Variants in SGCD observed in about 807,000 individuals in gnomAD.
SGCD encodes delta-sarcoglycan.
A neutral mutation model predicts 36.6 loss-of-function variants in SGCD; 18 were observed. That is an observed-to-expected ratio of 0.49 (90% CI 0.34 to 0.73). The LOEUF is 0.73. Ranked by LOEUF, SGCD falls within the 30% of genes least tolerant of loss-of-function variation. The pLI is 0.01. For missense variants in SGCD, 387 were observed against 346.7 expected, an observed-to-expected ratio of 1.12 and a Z score of -0.92; for synonymous variants, 133 against 130.6, an observed-to-expected ratio of 1.02 and a Z score of -0.12.
intron 1 of SGCD, among the ~76,000 whole-genome samples, chr5:155,926,986 C>T (rs1187125738): frequency 3.3e-5 from 5 of 152,056 alleles, no homozygotes; most frequent in Non-Finnish European, 7.4e-5. Flanking sequence ...ATCTAGTGGA[C>T]AAAGATCAAG....
At chr5:156,178,723 G>A (rs1185721297) in intron 3 of SGCD, among the ~76,000 whole-genome samples, 1 of 152,016 alleles carries the variant, frequency 6.6e-6, no homozygotes, top group Non-Finnish European at 1.5e-5. Context: ...TTGCAGGCAT[G>A]GGCTACCATG....
intron 1 of SGCD, among the ~76,000 whole-genome samples, chr5:155,993,000 C>T (rs941247633): frequency 6.6e-6 from 1 of 152,138 alleles, no homozygotes; most frequent in Non-Finnish European, 1.5e-5. Context: ...CCACTATTCT[C>T]CTGCCCTAAT....
chr5:155,914,671 C>A (rs185390761), intron 1 of SGCD, among the ~76,000 whole-genome samples: 1 of 152,082 alleles, frequency 6.6e-6, no homozygotes, highest in African/African-American at 2.4e-5. Flanking sequence ...ACTTTAAAAG[C>A]GTATATTAAG....
chr5:155,831,044 A>G, the SGCD span, among the ~76,000 whole-genome samples: 1 of 152,206 alleles, frequency 6.6e-6, no homozygotes. Flanking sequence ...CCTTTCAATA[A>G]GCCTATAAGG....
At chr5:156,155,408 TG>T (rs1762932918) in intron 3 of SGCD, among the ~76,000 whole-genome samples, 1 of 151,570 alleles carries the variant, frequency 6.6e-6, no homozygotes, top group African/African-American at 2.4e-5. Flanking sequence ...TAGGAGAATC[TG>T]AAAAATTGGC....
intron 4 of SGCD, among the ~76,000 whole-genome samples, chr5:156,544,720 T>G (rs1471228087): frequency 6.6e-6 from 1 of 152,146 alleles, no homozygotes; most frequent in Non-Finnish European, 1.5e-5. Context: ...TGATTTTGCA[T>G]CATAAGCTTT....
intron 3 of SGCD, among the ~76,000 whole-genome samples, chr5:156,386,373 T>C (rs925306235): frequency 5.3e-5 from 8 of 152,216 alleles, no homozygotes; most frequent in Non-Finnish European, 1.2e-4. Context: ...AACAATATAT[T>C]TAAAATTTTA....
At chr5:155,796,706 T>C in the SGCD span, among the ~76,000 whole-genome samples, 3 of 146,556 alleles carry the variant, frequency 2.0e-5, no homozygotes, top group Non-Finnish European at 4.5e-5. Flanking sequence ...CTTGGGAGGC[T>C]GAGGCAGGGG....
intron 1 of SGCD, among the ~76,000 whole-genome samples, chr5:156,034,726 T>C (rs1759446027): frequency 6.6e-6 from 1 of 152,178 alleles, no homozygotes; most frequent in African/African-American, 2.4e-5. Context: ...GCAATAAACA[T>C]TAAGAAACTG....
chr5:156,550,732 C>CG (rs1758760395), intron 4 of SGCD, among the ~76,000 whole-genome samples: 1 of 152,178 alleles, frequency 6.6e-6, no homozygotes, highest in Non-Finnish European at 1.5e-5. Flanking sequence ...TACCTTTGAG[C>CG]TAAGGCTCAA....
intron 7 of SGCD, chr5:156,704,397 C>T (rs1754657132): frequency 6.6e-6 from 1 of 152,092 alleles, no homozygotes; most frequent in South Asian, 2.1e-4. Context: ...GAGTCTAGTG[C>T]TTAGATTTGC....
intron 7 of SGCD, among the ~76,000 whole-genome samples, chr5:156,653,467 A>G (rs281038): frequency 0.87 from 106,083 of 121,808 alleles, 46,449 homozygotes; most frequent in East Asian, 0.98. Flanking sequence ...ACATAAAAAT[A>G]TTTTCTTACG....
intron 1 of SGCD, among the ~76,000 whole-genome samples, chr5:155,999,374 C>G (rs1581035250): frequency 6.6e-6 from 1 of 152,288 alleles, no homozygotes; most frequent in East Asian, 1.9e-4. Context: ...TATGCCCTGC[C>G]CCTCACCCCA....
chr5:155,758,936 G>A, the SGCD span, among the ~76,000 whole-genome samples: 19 of 152,054 alleles, frequency 1.2e-4, no homozygotes, highest in East Asian at 5.8e-4. Context: ...TCAGTTTACC[G>A]TGATATTTGA....
intron 3 of SGCD, among the ~76,000 whole-genome samples, chr5:156,319,088 A>T (rs995873653): frequency 1.3e-5 from 2 of 152,174 alleles, no homozygotes; most frequent in Non-Finnish European, 2.9e-5. Context: ...ATTTTACATG[A>T]AATATATTTC....
At chr5:156,308,644 A>C (rs1475760273) in intron 3 of SGCD, among the ~76,000 whole-genome samples, 2 of 152,142 alleles carry the variant, frequency 1.3e-5, no homozygotes, top group East Asian at 3.9e-4. Flanking sequence ...GAAGTCACTC[A>C]CTATCAAGAG....
intron 4 of SGCD, among the ~76,000 whole-genome samples, chr5:156,545,354 G>T (rs1392425026): frequency 6.6e-6 from 1 of 152,134 alleles, no homozygotes; most frequent in African/African-American, 2.4e-5. Context: ...TGTTTCCATG[G>T]TTGTGAACAA....
chr5:156,672,855 C>G (rs530328386), intron 7 of SGCD, among the ~76,000 whole-genome samples: 1 of 152,236 alleles, frequency 6.6e-6, no homozygotes, highest in South Asian at 2.1e-4. Flanking sequence ...GCCTTAGAGC[C>G]TTTATGTTGC....
chr5:156,423,036 C>A (rs992829008), intron 3 of SGCD, among the ~76,000 whole-genome samples: 1 of 149,780 alleles, frequency 6.7e-6, no homozygotes, highest in Admixed American at 6.8e-5. Context: ...TACTCAGACA[C>A]AAAACTCATG....
Sources: allele counts gnomAD v4.1 joint callset (sites outside exome capture counted in the v4.1 genomes callset), GRCh38; gene constraint gnomAD v4.1.1; transcripts MANE v1.5; gene names NCBI Gene and HGNC (gene_info 2026-07-23, HGNC 2026-07-21).